CDH12: variants seen among roughly 807,000 people sequenced by gnomAD.
CDH12 encodes the protein cadherin-12.
In CDH12, 41 loss-of-function variants were observed where a neutral mutation model predicts 74.1. The ratio of observed to expected loss-of-function variants is 0.55; its 90% CI spans 0.43 to 0.72. The LOEUF is 0.72. CDH12 is among the 30% of genes least tolerant of loss of function. CDH12 has a pLI of 0.00. For synonymous variants in CDH12, 399 were observed against 355.0 expected (o/e 1.12, Z -1.39); for missense variants, 945 against 977.2 (o/e 0.97, Z 0.44).
At chr5:21,874,379 C>T (rs545986588) in intron 6 of CDH12, among the ~76,000 whole-genome samples, 12 of 152,236 alleles carry the variant, frequency 7.9e-5, no homozygotes, top group Admixed American at 1.3e-4. Flanking sequence ...GGAAGGTGAC[C>T]GCATCCACCT....
intron 1 of CDH12, among the ~76,000 whole-genome samples, chr5:22,569,266 C>T (rs1455956269): frequency 1.3e-5 from 2 of 152,146 alleles, no homozygotes; most frequent in East Asian, 3.9e-4. Flanking sequence ...TGGCTTGGTG[C>T]TGTTCTTGCA....
chr5:22,285,424 A>G (rs1737090911), intron 3 of CDH12, among the ~76,000 whole-genome samples: 1 of 152,168 alleles, frequency 6.6e-6, no homozygotes, highest in Admixed American at 6.5e-5. Flanking sequence ...ATCATATTTT[A>G]ACTACATGGT....
At chr5:22,697,410 A>G (rs1313002034) in intron 1 of CDH12, among the ~76,000 whole-genome samples, 2 of 151,982 alleles carry the variant, frequency 1.3e-5, no homozygotes, top group Non-Finnish European at 2.9e-5. Flanking sequence ...TCTCTACTAA[A>G]AAATAGAAAA....
chr5:22,848,022 G>GA (rs1737385177), intron 1 of CDH12, among the ~76,000 whole-genome samples: 1 of 151,912 alleles, frequency 6.6e-6, no homozygotes, highest in African/African-American at 2.4e-5. Context: ...TAGCTGGGAT[G>GA]AAAGGTGTGC....
intron 13 of CDH12, among the ~76,000 whole-genome samples, chr5:21,760,119 T>A (rs2149870120): frequency 6.6e-6 from 1 of 152,192 alleles, no homozygotes; most frequent in Admixed American, 6.5e-5. Context: ...ATTCTGTCTT[T>A]GCTATTGTGA....
intron 3 of CDH12, among the ~76,000 whole-genome samples, chr5:22,314,097 G>C (rs1157403730): frequency 6.6e-6 from 1 of 152,174 alleles, no homozygotes; most frequent in Non-Finnish European, 1.5e-5. Context: ...TTTTCCAGGT[G>C]ATGTTCTGTT....
In CDH12 at chr5:22,322,377, A is replaced by AC. The variant is rs143334449; in HGVS notation, c.-333+82879_-333+82880insG. 0.013 allele frequency among the ~76,000 whole-genome samples: 2,008 copies of AC among 151,970 alleles called. 67 individuals carry two copies. In the East Asian group the frequency reaches 0.13, roughly 10 times the overall value. Reference sequence around the variant, plus strand: ...ATTTCAGCTTTATTTAAAAAAAAAAAACATGGTAATCTGCTTTGATTTAAT... The same window carrying AC: ...ATTTCAGCTTTATTTAAAAAAAAAAACACATGGTAATCTGCTTTGATTTAAT... On this transcript the variant is annotated intron_variant, in intron 3 of 14. Transcript: ENST00000382254.
In CDH12 at chr5:22,461,669, G is replaced by A. The variant is rs565794380; in HGVS notation, c.-428+43601C>T. ...ATGACACATAGAAAACTTTGAGGAGGAGCTGGGTGAGAGTCCATATTTTAC... is the reference window on the plus strand; with the variant it reads ...ATGACACATAGAAAACTTTGAGGAGAAGCTGGGTGAGAGTCCATATTTTAC... On this transcript the variant is annotated intron_variant, in intron 2 of 14. Transcript: ENST00000382254. Among the ~76,000 whole-genome samples, 293 of 151,954 alleles carry A rather than the reference G, an allele frequency of 1.9e-3. 1 individual carries two copies. Among genetic ancestry groups the A allele is most frequent in the Admixed American group, 4.3e-3 (66 of 15,270 alleles).
At chr5:21,816,751 T>A (rs2149945257) in intron 9 of CDH12, among the ~76,000 whole-genome samples, 194 bp downstream of exon 9, 1 of 151,342 alleles carries the variant, frequency 6.6e-6, no homozygotes, top group East Asian at 1.9e-4. Flanking sequence ...AGTACGGAAA[T>A]TTTGTAAGAT....
At chr5:22,544,023 A>G (rs954106602) in intron 1 of CDH12, among the ~76,000 whole-genome samples, 5 of 152,122 alleles carry the variant, frequency 3.3e-5, no homozygotes, top group Non-Finnish European at 5.9e-5. Context: ...GAATCAAAAG[A>G]TATATAGATG....
intron 5 of CDH12, among the ~76,000 whole-genome samples, chr5:22,049,262 T>C (rs1409159790): frequency 6.6e-6 from 1 of 151,120 alleles, no homozygotes; most frequent in Non-Finnish European, 1.5e-5. Context: ...CAGCAACTCT[T>C]ACAAAATTAT....
chr5:21,754,542 T>G (rs1744275235), intron 14 of CDH12, among the ~76,000 whole-genome samples: 1 of 152,200 alleles, frequency 6.6e-6, no homozygotes. Context: ...GGAATTAATA[T>G]CTACACCATG....
chr5:22,736,999 A>G (rs1744762795), intron 1 of CDH12, among the ~76,000 whole-genome samples: 2 of 151,984 alleles, frequency 1.3e-5, no homozygotes, highest in South Asian at 4.1e-4. Flanking sequence ...TCGTTATGAA[A>G]TAATGTATAG....
intron 6 of CDH12, among the ~76,000 whole-genome samples, chr5:21,945,151 G>A (rs1363327331): frequency 2.0e-5 from 3 of 152,194 alleles, no homozygotes; most frequent in African/African-American, 2.4e-5. Flanking sequence ...GGGGCTGGGC[G>A]CAGTGGCTCA....
At chr5:21,775,523 T>A (rs1745538616) in intron 11 of CDH12, among the ~76,000 whole-genome samples, 1 of 152,130 alleles carries the variant, frequency 6.6e-6, no homozygotes, top group Non-Finnish European at 1.5e-5. Flanking sequence ...GAATGTCTAC[T>A]CCTTGACAGC....
chr5:22,658,966 A>G (rs1019328752), intron 1 of CDH12, among the ~76,000 whole-genome samples: 1 of 152,168 alleles, frequency 6.6e-6, no homozygotes, highest in Non-Finnish European at 1.5e-5. Flanking sequence ...ATTTATCTCT[A>G]TCAATAAAAT....
chr5:21,766,269 G>A (rs1011587456), intron 11 of CDH12, among the ~76,000 whole-genome samples: 3 of 151,960 alleles, frequency 2.0e-5, no homozygotes, highest in Non-Finnish European at 4.4e-5. Context: ...ACATATGACA[G>A]TGAAATCCAT....
rs141218039 is a variant in CDH12 at position 22,250,067 on chromosome 5, C to T, written c.-332-37424G>A. On this transcript the variant is annotated intron_variant, in intron 3 of 14. Coordinates refer to ENST00000382254, the MANE Select transcript of CDH12 (RefSeq NM_004061.5). ...GGGAAGTATTGCAGAAAAAACTGAA[C>T]AGAATTTTTAAAGACTTGGGATCTG... Among the ~76,000 whole-genome samples, 5 of 151,624 alleles carry T rather than the reference C, an allele frequency of 3.3e-5. No homozygotes were observed. In the East Asian group the frequency reaches 9.7e-4, roughly 29 times the overall value.
intron 2 of CDH12, among the ~76,000 whole-genome samples, chr5:22,406,357 AC>A (rs1211755790): frequency 6.6e-6 from 1 of 152,066 alleles, no homozygotes; most frequent in African/African-American, 2.4e-5. Flanking sequence ...TCTCTTCACT[AC>A]CCTAACTTGC....
Sources: gnomAD v4.1 joint callset for allele counts (sites outside exome capture counted in the v4.1 genomes callset) on GRCh38, gnomAD v4.1.1 for gene constraint, MANE v1.5 for transcripts, NCBI Gene and HGNC (gene_info 2026-07-23, HGNC 2026-07-21) for gene names.